APOO: variants seen among roughly 807,000 people sequenced by gnomAD.
APOO encodes MICOS complex subunit MIC26.
APOO carries 11 observed loss-of-function variants against 23.1 expected under a neutral mutation model. The ratio of observed to expected loss-of-function variants is 0.48; its 90% CI spans 0.30 to 0.79. The LOEUF (loss-of-function observed/expected upper bound fraction) is 0.79, where lower values mean the gene tolerates loss of function less well. APOO is among the 30% of genes least tolerant of loss of function. The pLI is 0.07. For synonymous variants in APOO, 59 were observed against 54.8 expected, an observed-to-expected ratio of 1.08 and a Z score of -0.34; for missense variants, 160 against 142.7, an observed-to-expected ratio of 1.12 and a Z score of -0.62.
At chrX:23,866,313 G>A (rs1395022155) in intron 5 of APOO, among the ~76,000 whole-genome samples, 2 of 112,008 alleles carry the variant, frequency 1.8e-5, no homozygotes, top group Non-Finnish European at 3.8e-5. Context: ...GAAGTTTAGG[G>A]AAAAATGTTG....
chrX:23,867,128 CG>C (rs1569234532), intron 5 of APOO, among the ~76,000 whole-genome samples: 17 of 109,855 alleles, frequency 1.5e-4, no homozygotes, highest in African/African-American at 5.3e-4. Context: ...CGAAACGAAA[CG>C]AAACGAAACG....
At chrX:23,882,241 C>CT (rs1926180263) in intron 1 of APOO, among the ~76,000 whole-genome samples, 2 of 111,962 alleles carry the variant, frequency 1.8e-5, no homozygotes, top group South Asian at 7.2e-4. Context: ...AACAACCACC[C>CT]TTTTTTTTCT....
chrX:23,869,640 GAAAAAA>G (rs761388017), intron 4 of APOO, among the ~76,000 whole-genome samples: 2 of 33,933 alleles, frequency 5.9e-5, no homozygotes, highest in Non-Finnish European at 1.0e-4. Flanking sequence ...CTCTTAAAAA[GAAAAAA>G]AAAAAAAAAA....
intron 3 of APOO, 135 bp downstream of exon 3, chrX:23,878,780 C>G: frequency 1.2e-6 from 1 of 825,539 alleles, no homozygotes; most frequent in Non-Finnish European, 1.7e-6. Flanking sequence ...CAGACCCCCA[C>G]TACCCTTCCC....
At chrX:23,861,959 A>G (rs919121473) in intron 5 of APOO, among the ~76,000 whole-genome samples, 4 of 108,978 alleles carry the variant, frequency 3.7e-5, no homozygotes, top group Non-Finnish European at 5.7e-5. Flanking sequence ...ACCCTCCACC[A>G]CACCCGGCTA....
At chrX:23,900,890 G>A (rs1927106313) in intron 1 of APOO, among the ~76,000 whole-genome samples, 1 of 111,030 alleles carries the variant, frequency 9.0e-6, no homozygotes, top group African/African-American at 3.3e-5. Flanking sequence ...TAAAAATGTA[G>A]TTACTATAAT....
At chrX:23,872,521 TTATATATA>T (rs773219545) in intron 4 of APOO, among the ~76,000 whole-genome samples, 2 of 93,256 alleles carry the variant, frequency 2.1e-5, no homozygotes, top group Non-Finnish European at 4.2e-5. Flanking sequence ...TTATGAGAAT[TTATATATA>T]TATATATATA....
chrX:23,836,291 G>A (rs1019978825), intron 8 of APOO, among the ~76,000 whole-genome samples: 1 of 111,369 alleles, frequency 9.0e-6, no homozygotes, highest in African/African-American at 3.3e-5. Flanking sequence ...GAGCCACCAT[G>A]CCCGGCCTTA....
intron 7 of APOO, among the ~76,000 whole-genome samples, chrX:23,845,677 C>T (rs1172365471): frequency 1.8e-5 from 2 of 112,206 alleles, no homozygotes; most frequent in African/African-American, 6.5e-5. Context: ...CAAACTTTGC[C>T]ATGTTTAGAG....
chrX:23,873,900 T>C (rs1004046830), intron 4 of APOO, among the ~76,000 whole-genome samples: 5 of 111,567 alleles, frequency 4.5e-5, no homozygotes, highest in Admixed American at 1.9e-4. Flanking sequence ...TTTGTGAGTG[T>C]ATGTGATAAG....
intron 1 of APOO, chrX:23,883,815 T>C (rs1926251598): frequency 8.9e-6 from 1 of 112,105 alleles, no homozygotes; most frequent in African/African-American, 3.2e-5. Context: ...CCTGCCCATC[T>C]GCCTGCTTTC....
At chrX:23,883,236 A>G (rs1278871526) in intron 1 of APOO, 1 of 110,968 alleles carries the variant, frequency 9.0e-6, no homozygotes, top group African/African-American at 3.3e-5. Flanking sequence ...CAAATATCGT[A>G]TTTCCCAAGA....
chrX:23,896,542 G>A (rs1457231264), intron 1 of APOO, among the ~76,000 whole-genome samples: 1 of 111,539 alleles, frequency 9.0e-6, no homozygotes, highest in African/African-American at 3.3e-5. Flanking sequence ...CTCTCAAAAC[G>A]ACTGTTTTGA....
At chrX:23,900,712 C>T (rs1031162892) in intron 1 of APOO, among the ~76,000 whole-genome samples, 11 of 107,610 alleles carry the variant, frequency 1.0e-4, no homozygotes, top group Non-Finnish European at 2.1e-4. Context: ...TCAACAAGGT[C>T]GCTCAGCCAG....
At chrX:23,841,734 C>T (rs1489690667) in intron 7 of APOO, among the ~76,000 whole-genome samples, 1 of 109,720 alleles carries the variant, frequency 9.1e-6, no homozygotes, top group Non-Finnish European at 1.9e-5. Context: ...TGCACACAAG[C>T]GAACACACAT....
At chrX:23,850,391 TAGTAAAACTGAAG>T (rs1168565311) in intron 7 of APOO, among the ~76,000 whole-genome samples, 1 of 112,337 alleles carries the variant, frequency 8.9e-6, no homozygotes, top group African/African-American at 3.2e-5. Flanking sequence ...TGGCATCATC[TAGTAAAACTGAAG>T]ATATGCAGAC....
intron 6 of APOO, among the ~76,000 whole-genome samples, chrX:23,858,145 C>G (rs781643502): frequency 1.8e-5 from 2 of 110,607 alleles, no homozygotes; most frequent in East Asian, 5.7e-4. Context: ...AAGAAAGGAG[C>G]AGCCAACTGA....
At chrX:23,880,026 A>C (rs1340902885) in intron 2 of APOO, among the ~76,000 whole-genome samples, 1 of 111,136 alleles carries the variant, frequency 9.0e-6, no homozygotes, top group Non-Finnish European at 1.9e-5. Context: ...ACAGACCAAA[A>C]AGGAATGTAA....
intron 1 of APOO, among the ~76,000 whole-genome samples, chrX:23,892,944 A>C (rs1186437790): frequency 2.7e-5 from 3 of 110,392 alleles, no homozygotes; most frequent in South Asian, 3.8e-4. Context: ...ACAAAAAAAA[A>C]AAACAAACTA....
Sources: gnomAD v4.1 joint callset for allele counts (sites outside exome capture counted in the v4.1 genomes callset) on GRCh38, gnomAD v4.1.1 for gene constraint, MANE v1.5 for transcripts, NCBI Gene and HGNC (gene_info 2026-07-23, HGNC 2026-07-21) for gene names.